The following TXNRD2 variants were observed in gnomAD, a reference collection of about 807,000 sequenced individuals.
TXNRD2 encodes thioredoxin reductase 2, mitochondrial.
Under a neutral mutation model 70.8 loss-of-function variants are expected in TXNRD2, and 67 were observed. The observed-to-expected ratio is 0.95, with a 90% CI of 0.78 to 1.16. The LOEUF (loss-of-function observed/expected upper bound fraction) is 1.16. Ranked by LOEUF, TXNRD2 falls within the 50% of genes most tolerant of loss-of-function variation. The pLI is 0.00. For missense variants in TXNRD2, 644 were observed against 719.9 expected (o/e 0.89, Z 1.21); for synonymous variants, 301 against 295.8 (o/e 1.02, Z -0.18).
chr22:19,902,609 C>T (rs1291110551), intron 8 of TXNRD2, among the ~76,000 whole-genome samples: 2 of 152,310 alleles, frequency 1.3e-5, no homozygotes, highest in East Asian at 1.9e-4. Flanking sequence ...GCTGGAACCC[C>T]GCCGCCCCAC....
At chr22:19,909,885 A>ACACACACCCTC (rs1569093933) in intron 8 of TXNRD2, among the ~76,000 whole-genome samples, 1 of 43,846 alleles carries the variant, frequency 2.3e-5, no homozygotes, top group Non-Finnish European at 4.7e-5. Flanking sequence ...CACACACACC[A>ACACACACCCTC]CTCACACACA....
At chr22:19,916,161 G>A (rs1388892623) in intron 5 of TXNRD2, 6 of 379,412 alleles carry the variant, frequency 1.6e-5, no homozygotes, top group Non-Finnish European at 3.0e-5. Flanking sequence ...CCTCTCTTGG[G>A]GACAGTCCTC....
chr22:19,895,635 C>T (rs1231590160), intron 10 of TXNRD2, 54 bp from the exon 11 acceptor site: 94 of 1,595,358 alleles, frequency 5.9e-5, no homozygotes, highest in Non-Finnish European at 7.4e-5. Flanking sequence ...GGGAGAGAGG[C>T]TCTGGCCCTG....
At chr22:19,902,894 C>T (rs2145990284) in intron 8 of TXNRD2, 2 of 506,998 alleles carry the variant, frequency 3.9e-6, no homozygotes, top group Non-Finnish European at 7.8e-6. Flanking sequence ...TATCTTCTTC[C>T]CTCTTGTGCT....
chr22:19,909,205 CAA>C (rs199938429), intron 8 of TXNRD2, among the ~76,000 whole-genome samples: 4,673 of 73,646 alleles, frequency 0.063, 101 homozygotes, highest in South Asian at 0.17. Flanking sequence ...GACTCTGTTT[CAA>C]AAAAAAAAAA....
intron 1 of TXNRD2, among the ~76,000 whole-genome samples, chr22:19,939,095 G>A (rs796493914): frequency 2.0e-5 from 3 of 152,174 alleles, no homozygotes; most frequent in Non-Finnish European, 2.9e-5. Context: ...CCAGGAGATC[G>A]TCAATCCCGT....
At chr22:19,927,063 G>A (rs1290194468) in intron 2 of TXNRD2, among the ~76,000 whole-genome samples, 1 of 152,096 alleles carries the variant, frequency 6.6e-6, no homozygotes, top group Non-Finnish European at 1.5e-5. Flanking sequence ...GAAGGCCAAG[G>A]TGGGCGGATC....
intron 16 of TXNRD2, among the ~76,000 whole-genome samples, chr22:19,877,647 C>T (rs1325253166): frequency 6.6e-6 from 1 of 152,220 alleles, no homozygotes; most frequent in African/African-American, 2.4e-5. Context: ...CTCCAACTAC[C>T]CCTGTCAACC....
chr22:19,897,330 G>A (rs1431006015), intron 10 of TXNRD2, among the ~76,000 whole-genome samples: 2 of 152,140 alleles, frequency 1.3e-5, no homozygotes, highest in Non-Finnish European at 2.9e-5. Context: ...CTGCAGATCT[G>A]CACAGCTCAC....
chr22:19,923,735 GA>G (rs2146065514), intron 2 of TXNRD2, among the ~76,000 whole-genome samples: 1 of 151,952 alleles, frequency 6.6e-6, no homozygotes, highest in South Asian at 2.1e-4. Context: ...CCGGGAGGCA[GA>G]GGTTGCAGTG....
intron 8 of TXNRD2, among the ~76,000 whole-genome samples, chr22:19,908,731 T>C (rs1329077299): frequency 6.6e-6 from 1 of 152,308 alleles, no homozygotes; most frequent in Admixed American, 6.5e-5. Context: ...AACTTGGGTG[T>C]CCACTGACAG....
intron 1 of TXNRD2, among the ~76,000 whole-genome samples, chr22:19,932,769 A>G (rs957834525): frequency 6.6e-6 from 1 of 152,152 alleles, no homozygotes; most frequent in Non-Finnish European, 1.5e-5. Flanking sequence ...TGCTTCAGAC[A>G]AGGCCAAGAG....
chr22:19,920,395 T>C (rs1349239967), intron 2 of TXNRD2, among the ~76,000 whole-genome samples: 2 of 152,080 alleles, frequency 1.3e-5, no homozygotes, highest in East Asian at 3.9e-4. Context: ...CTGGCCAACA[T>C]GGTAAAACGT....
At chr22:19,876,070 T>A (rs16984299) in intron 17 of TXNRD2, 1 of 152,220 alleles carries the variant, frequency 6.6e-6, no homozygotes, top group South Asian at 2.1e-4. Flanking sequence ...TTCCTCAGGA[T>A]GCCCTTTGTT....
chr22:19,918,091 C>T (rs374457083), intron 5 of TXNRD2, 52 bp downstream of exon 5: 142 of 1,487,292 alleles, frequency 9.5e-5, no homozygotes, highest in African/African-American at 4.0e-4. Flanking sequence ...AGGCACAGAA[C>T]GCCCAAGAGA....
At chr22:19,886,901 C>T (rs771042565) in intron 11 of TXNRD2, among the ~76,000 whole-genome samples, 3 of 152,176 alleles carry the variant, frequency 2.0e-5, no homozygotes, top group Non-Finnish European at 4.4e-5. Context: ...CACCAGCTTG[C>T]CATGTGTCAG....
intron 8 of TXNRD2, among the ~76,000 whole-genome samples, chr22:19,906,937 G>C (rs1444920883): frequency 1.8e-5 from 2 of 113,682 alleles, no homozygotes; most frequent in Non-Finnish European, 3.6e-5. Context: ...GGAGAGTGTG[G>C]GCACCGTAAG....
chr22:19,933,320 T>C, intron 1 of TXNRD2: 1 of 555,344 alleles, frequency 1.8e-6, no homozygotes, highest in Non-Finnish European at 3.1e-6. Context: ...CAAGGACTGC[T>C]GGTCAGGGAG....
At chr22:19,900,961 C>G (rs913342398) in intron 8 of TXNRD2, among the ~76,000 whole-genome samples, 1 of 152,232 alleles carries the variant, frequency 6.6e-6, no homozygotes, top group Admixed American at 6.5e-5. Flanking sequence ...CAATGCATCC[C>G]CTCTGTGGGC....
Sources: gnomAD v4.1 joint callset for allele counts (sites outside exome capture counted in the v4.1 genomes callset) on GRCh38, gnomAD v4.1.1 for gene constraint, MANE v1.5 for transcripts, NCBI Gene and HGNC (gene_info 2026-07-23, HGNC 2026-07-21) for gene names.